SUN1: variants seen among roughly 807,000 people sequenced by gnomAD.
The protein encoded by SUN1 is Sad1 and UNC84 domain containing 1.
In SUN1, 61 loss-of-function variants were observed where a neutral mutation model predicts 103.2. The observed-to-expected ratio is 0.59, with a 90% CI of 0.48 to 0.73. The LOEUF (loss-of-function observed/expected upper bound fraction) is 0.73. Ranked by LOEUF, SUN1 falls within the 30% of genes least tolerant of loss-of-function variation. SUN1 has a pLI of 0.00. For missense variants in SUN1, 1,052 were observed against 1,034.6 expected (o/e 1.02, Z -0.23); for synonymous variants, 490 against 425.7 (o/e 1.15, Z -1.86).
At chr7:840,500 G>A (rs1250460552) in intron 2 of SUN1, among the ~76,000 whole-genome samples, 1 of 152,210 alleles carries the variant, frequency 6.6e-6, no homozygotes, top group African/African-American at 2.4e-5. Flanking sequence ...AGCTTCCTTC[G>A]AAGGGGAGGA....
Position 857,861 on chromosome 7 carries a change from G to C in SUN1, c.1428G>C (p.Glu476Asp). 1 of 1,597,846 alleles carries C rather than the reference G, an allele frequency of 6.3e-7. No homozygotes were observed. The highest frequency in any genetic ancestry group is 8.6e-7 in the Non-Finnish European group (1 of 1,168,254). ...GTGAGCAGCTCCTGCCCACAGTCGA[G>C]CACCTCCAGCTGGAGCTGGATCAGC... The part of the protein sequence containing the change: ...AVGEQLLPTV[E>D]HLQLELDQLK... The change falls in exon 13 of 19, where the codon GAG becomes GAC. Residue 476 changes from glutamate to aspartate, a missense_variant. Coordinates refer to ENST00000401592, the MANE Select transcript of SUN1 (RefSeq NM_001130965.3).
intron 1 of SUN1, among the ~76,000 whole-genome samples, chr7:836,013 G>T (rs1355347678): frequency 6.6e-6 from 1 of 152,284 alleles, no homozygotes; most frequent in Non-Finnish European, 1.5e-5. Context: ...AGCCATGGAG[G>T]CCGGGGGGCC....
intron 1 of SUN1, among the ~76,000 whole-genome samples, chr7:837,028 G>C (rs1313112474): frequency 6.6e-6 from 1 of 152,234 alleles, no homozygotes; most frequent in Non-Finnish European, 1.5e-5. Flanking sequence ...GAGGACCTGG[G>C]GACTGCGAAT....
chr7:869,586 C>T (rs566152026), intron 17 of SUN1, 70 bp downstream of exon 17: 44 of 1,560,022 alleles, frequency 2.8e-5, no homozygotes, highest in South Asian at 2.1e-4. Context: ...AAGCAAGTGA[C>T]GTGAGCGCAC....
chr7:839,355 C>T (rs1208888918), intron 2 of SUN1, among the ~76,000 whole-genome samples: 1 of 152,234 alleles, frequency 6.6e-6, no homozygotes, highest in Non-Finnish European at 1.5e-5. Flanking sequence ...TTACAGATTA[C>T]ACATGCTGTC....
At chr7:832,423 G>C (rs1798804240), upstream of SUN1, 1 of 1,167,396 alleles carries the variant, frequency 8.6e-7, no homozygotes, top group East Asian at 2.6e-5. Flanking sequence ...TTGCGTGTAG[G>C]CAGCTCAGGT....
intron 18 of SUN1, 146 bp from the exon 19 acceptor site, chr7:873,069 A>G: frequency 1.3e-6 from 1 of 764,368 alleles, no homozygotes; most frequent in Non-Finnish European, 2.2e-6. Context: ...CCTGGGTGAC[A>G]GGGCAAGACT....
At chr7:873,136 C>G in intron 18 of SUN1, 79 bp from the exon 19 acceptor site, 1 of 1,274,730 alleles carries the variant, frequency 7.8e-7, no homozygotes, top group Non-Finnish European at 1.1e-6. Context: ...TCCTGTCAGA[C>G]GTCATATTTG....
chr7:826,610 G>A (rs1033117673), intron 1 of SUN1, among the ~76,000 whole-genome samples: 52 of 152,200 alleles, frequency 3.4e-4, no homozygotes, highest in African/African-American at 1.2e-3. Context: ...GAGTTTTGCA[G>A]GTTTGAGTCG....
chr7:866,693 A>C (rs1047027253), intron 16 of SUN1, among the ~76,000 whole-genome samples: 3 of 15,764 alleles, frequency 1.9e-4, no homozygotes, highest in Non-Finnish European at 3.5e-4. Context: ...CTGTCTCCCC[A>C]CCATCTCCGT....
chr7:833,466 A>C (rs561456248), intron 1 of SUN1, among the ~76,000 whole-genome samples: 2 of 152,100 alleles, frequency 1.3e-5, no homozygotes, highest in African/African-American at 4.8e-5. Flanking sequence ...GTGCGCCACC[A>C]CGCCCAGCTA....
chr7:853,465 C>T lies in SUN1; in HGVS notation c.1110C>T (p.Ala370=). The T allele has an allele frequency of 6.2e-7, 1 of 1,614,046 alleles. No homozygotes were observed. The highest frequency in any genetic ancestry group is 1.6e-4 in the Middle Eastern group (1 of 6,062). The change falls in exon 10 of 19, where the codon GCC becomes GCT. Residue 370 remains alanine (A), a synonymous_variant. Coordinates refer to ENST00000401592, the MANE Select transcript of SUN1 (RefSeq NM_001130965.3). ...TGAGTGGCGTGGAGCAGCAGGTGGC[C>T]TCTCTGTCTGGACAGTGCCACCACC... The part of the protein sequence containing the change: ...HWMSGVEQQV[A]SLSGQCHHHG...
intron 10 of SUN1, among the ~76,000 whole-genome samples, 196 bp downstream of exon 10, chr7:853,814 G>A (rs991409172): frequency 6.6e-6 from 1 of 152,256 alleles, no homozygotes; most frequent in East Asian, 1.9e-4. Flanking sequence ...ACCAGGAGCT[G>A]TGGGTTCCAT....
chr7:844,447 T>C (rs1283385625), intron 5 of SUN1, among the ~76,000 whole-genome samples: 1 of 152,206 alleles, frequency 6.6e-6, no homozygotes, highest in Non-Finnish European at 1.5e-5. Context: ...TCCAGTATTA[T>C]TCAAATGACC....
chr7:874,703 A>G lies in SUN1; in HGVS notation c.*1372A>G, dbSNP rs1246230980. ...TTACATATATAAATCAAAATTTCCT[A>G]TATAAAACTGATTTGGGATTTGGGG... is the stretch of plus-strand genomic sequence containing the variant. On this transcript the variant is annotated 3_prime_UTR_variant, in exon 19 of 19. Coordinates refer to ENST00000401592, the MANE Select transcript of SUN1 (RefSeq NM_001130965.3). 2.0e-5 allele frequency: 3 copies of G among 152,344 alleles called. No individual in the cohort carries two copies. Among genetic ancestry groups the G allele is most frequent in the Non-Finnish European group, 2.9e-5 (2 of 68,032 alleles). 9.4% of individuals were successfully genotyped at this position (152,344 alleles called of 1,614,324 possible).
chr7:827,603 G>C (rs536382419), upstream of SUN1, among the ~76,000 whole-genome samples: 2 of 151,594 alleles, frequency 1.3e-5, no homozygotes, highest in African/African-American at 4.8e-5. Context: ...CCGAGTAGCT[G>C]GGACTACAGG....
intron 17 of SUN1, among the ~76,000 whole-genome samples, chr7:869,885 G>A (rs1840154199): frequency 6.6e-6 from 1 of 152,122 alleles, no homozygotes; most frequent in Non-Finnish European, 1.5e-5. Flanking sequence ...CATTCATACT[G>A]TGGTATTTTC....
At chr7:844,580 C>T (rs11973564) in intron 5 of SUN1, among the ~76,000 whole-genome samples, 2,115 of 152,342 alleles carry the variant, frequency 0.014, 57 homozygotes, top group African/African-American at 0.048. Context: ...GTTATGGACA[C>T]TGCTAGTGTT....
intron 7 of SUN1, 156 bp from the exon 8 acceptor site, chr7:852,453 T>TAAC: frequency 1.2e-6 from 1 of 803,206 alleles, no homozygotes; most frequent in East Asian, 2.6e-5. Context: ...ATGAAGGTTC[T>TAAC]CCTGAAGGCA....
Sources: gnomAD v4.1 joint callset for allele counts (sites outside exome capture counted in the v4.1 genomes callset) on GRCh38, gnomAD v4.1.1 for gene constraint, MANE v1.5 for transcripts, NCBI Gene and HGNC (gene_info 2026-07-23, HGNC 2026-07-21) for gene names.